Variants in CAPRIN1 observed in about 807,000 individuals in gnomAD.
The protein encoded by CAPRIN1 is cell cycle associated protein 1, also known as caprin-1.
In CAPRIN1, 29 loss-of-function variants were observed where a neutral mutation model predicts 100.9. The observed-to-expected ratio is 0.29, with a 90% CI of 0.21 to 0.39. The LOEUF is 0.39. Ranked by LOEUF, CAPRIN1 falls within the 10% of genes least tolerant of loss-of-function variation. The pLI is 1.00. For synonymous variants in CAPRIN1, 338 were observed against 307.5 expected (o/e 1.10, Z -1.04); for missense variants, 795 against 876.7 (o/e 0.91, Z 1.18).
chr11:34,078,441 C>G (rs889984005), intron 6 of CAPRIN1, among the ~76,000 whole-genome samples: 3 of 152,078 alleles, frequency 2.0e-5, no homozygotes, highest in African/African-American at 7.2e-5. Context: ...TAAAAAATAC[C>G]CTGGTACACC....
intron 2 of CAPRIN1, chr11:34,052,950 C>T (rs1004384041): frequency 2.5e-6 from 3 of 1,202,152 alleles, no homozygotes; most frequent in African/African-American, 3.2e-5. Context: ...GGCCTGTCGT[C>T]AGGACTTCAC....
Position 34,086,136 on chromosome 11 carries a change from G to T in CAPRIN1, c.1039G>T (p.Val347Leu). 6.2e-7 allele frequency: 1 copy of T among 1,614,142 alleles called. No individual in the cohort carries two copies. The highest frequency in any genetic ancestry group is 8.5e-7 in the Non-Finnish European group (1 of 1,180,000). The change falls in exon 10 of 19, where the codon GTG (valine) becomes TTG (leucine). Residue 347 changes from valine to leucine, a missense_variant. This residue lies in a region of CAPRIN1 where 648 missense variants were observed against 697.9 expected (regional missense o/e 0.93). Coordinates refer to ENST00000341394, the MANE Select transcript of CAPRIN1 (RefSeq NM_005898.5). ...ACCAGAGCCCCACTCTTTGACTCCA[G>T]TGGCTCAGGCAGATCCCCTTGTGAG... ...SVPEPHSLTP[V>L]AQADPLVRRQ...
chr11:34,067,948 T>C (rs1850731426), intron 2 of CAPRIN1, among the ~76,000 whole-genome samples: 2 of 152,226 alleles, frequency 1.3e-5, no homozygotes, highest in South Asian at 2.1e-4. Flanking sequence ...GTTCCAGTTA[T>C]TGCCGTGTAA....
At chr11:34,097,070 A>G (rs542427608) in intron 16 of CAPRIN1, 126 bp from the exon 17 acceptor site, 1 of 680,784 alleles carries the variant, frequency 1.5e-6, no homozygotes, top group South Asian at 1.9e-5. Flanking sequence ...AAGATAGGAA[A>G]TTGGAGATTA....
chr11:34,069,883 A>G (rs2134101380), intron 2 of CAPRIN1, among the ~76,000 whole-genome samples: 1 of 147,208 alleles, frequency 6.8e-6, no homozygotes, highest in African/African-American at 2.5e-5. Flanking sequence ...TGTTTATGGT[A>G]CAAAGAAAAT....
chr11:34,065,004 G>T (rs539946803), intron 2 of CAPRIN1, among the ~76,000 whole-genome samples: 13 of 144,606 alleles, frequency 9.0e-5, no homozygotes, highest in Non-Finnish European at 1.6e-4. Flanking sequence ...CTGTTGCCCA[G>T]GCTGGAGTGC....
At position 34,092,005 on chromosome 11, in the gene CAPRIN1, C is replaced by G. The variant is rs1851273791; in HGVS notation, c.1654C>G (p.Gln552Glu). The part of the protein sequence containing the change: ...QASYNQSFSS[Q>E]PHQVEQTELQ... ...CAGTTATAACCAGAGCTTTTCTAGT[C>G]AGCCTCACCAAGTAGAACAAACAGA... The change falls in exon 15 of 19, where the codon CAG becomes GAG. Residue 552 changes from glutamine to glutamate, a missense_variant. Around this residue, in one of 3 missense-constraint regions of CAPRIN1, gnomAD observed 648 missense variants for 697.9 expected, o/e 0.93. Coordinates refer to ENST00000341394, the MANE Select transcript of CAPRIN1 (RefSeq NM_005898.5). The G allele has an allele frequency of 6.2e-7, 1 of 1,614,004 alleles. No individual in the cohort carries two copies. The highest frequency in any genetic ancestry group is 1.3e-5 in the African/African-American group (1 of 74,932).
At chr11:34,065,948 C>G (rs1850682077) in intron 2 of CAPRIN1, among the ~76,000 whole-genome samples, 1 of 152,222 alleles carries the variant, frequency 6.6e-6, no homozygotes, top group East Asian at 1.9e-4. Flanking sequence ...ATGAAACTTT[C>G]TTTTTTTATT....
intron 2 of CAPRIN1, 152 bp from the exon 3 acceptor site, chr11:34,071,574 A>C: frequency 1.7e-6 from 1 of 587,616 alleles, no homozygotes; most frequent in Admixed American, 3.2e-5. Flanking sequence ...AAAAAAAAAA[A>C]ATTTATGTAC....
intron 15 of CAPRIN1, 58 bp downstream of exon 15, chr11:34,092,114 T>G: frequency 6.4e-7 from 1 of 1,554,696 alleles, no homozygotes; most frequent in Non-Finnish European, 8.7e-7. Context: ...TTATTGACAG[T>G]GTTAGGACAG....
intron 2 of CAPRIN1, chr11:34,063,378 T>G (rs1850622053): frequency 6.6e-6 from 1 of 152,252 alleles, no homozygotes; most frequent in Non-Finnish European, 1.5e-5. Context: ...GTTATTTAAC[T>G]GTGTCTTTCA....
Position 34,086,103 on chromosome 11 carries a change from C to G in CAPRIN1, c.1006C>G (p.Pro336Ala). The stretch of plus-strand genomic sequence containing the variant: ...CCAGCAGCAACCTCAGGCTGCATCC[C>G]CTTCAGTACCAGAGCCCCACTCTTT... ...SLQQQPQAAS[P>A]SVPEPHSLTP... The change falls in exon 10 of 19, where the codon CCT (proline) becomes GCT (alanine). Residue 336 changes from proline (P) to alanine (A), a missense_variant. This residue lies in a region of CAPRIN1 where 648 missense variants were observed against 697.9 expected (regional missense o/e 0.93). Coordinates refer to ENST00000341394, the MANE Select transcript of CAPRIN1 (RefSeq NM_005898.5). The G allele has an allele frequency of 6.2e-7, 1 of 1,614,110 alleles. No homozygotes were observed. The highest frequency in any genetic ancestry group is 2.2e-5 in the East Asian group (1 of 44,878).
At chr11:34,090,928 TTTGA>T (rs1851252024) in intron 14 of CAPRIN1, among the ~76,000 whole-genome samples, 1 of 152,194 alleles carries the variant, frequency 6.6e-6, no homozygotes, top group Non-Finnish European at 1.5e-5. Context: ...ACCCTTTTGA[TTTGA>T]TTAACAAAAG....
chr11:34,056,541 C>T (rs1359181992), intron 2 of CAPRIN1: 1 of 152,000 alleles, frequency 6.6e-6, no homozygotes, highest in African/African-American at 2.4e-5. Context: ...CTGTGATAAT[C>T]AAGTGTAAAA....
chr11:34,079,604 T>G (rs375006023), intron 6 of CAPRIN1, 24 bp from the exon 7 acceptor site: 3 of 1,605,600 alleles, frequency 1.9e-6, no homozygotes, highest in Non-Finnish European at 2.6e-6. Flanking sequence ...AGTCTTACAT[T>G]ATAATTCATG....
chr11:34,064,910 GT>G (rs1850655127), intron 2 of CAPRIN1, among the ~76,000 whole-genome samples: 1 of 145,308 alleles, frequency 6.9e-6, no homozygotes, highest in South Asian at 2.2e-4. Context: ...CAACTTTAAA[GT>G]TTATTAAACA....
At chr11:34,088,836 C>T (rs1432588825) in intron 11 of CAPRIN1, among the ~76,000 whole-genome samples, 2 of 152,080 alleles carry the variant, frequency 1.3e-5, no homozygotes, top group East Asian at 3.8e-4. Context: ...CAAGATGAAA[C>T]CAATTGTGAA....
rs1851235128 is a variant in CAPRIN1 at position 34,090,179 on chromosome 11, G to T, written c.1294G>T (p.Val432Phe). Residue 432 changes from valine (V) to phenylalanine (F), a missense_variant and splice_region_variant, in exon 13 of 19, where the codon GTT becomes TTT. Coordinates refer to ENST00000341394, the MANE Select transcript of CAPRIN1 (RefSeq NM_005898.5). Reference sequence around the variant, plus strand: ...CTTTTATTTCTTTACTTATGTCTAGGTTCCTTTGGTATCATCCACAAGTGA... The same window carrying T: ...CTTTTATTTCTTTACTTATGTCTAGTTTCCTTTGGTATCATCCACAAGTGA... The part of the protein sequence containing the change: ...QVPVQPEATQ[V>F]PLVSSTSEGY... 6.3e-7 allele frequency: 1 copy of T among 1,595,240 alleles called. No homozygotes were observed.
chr11:34,086,503 T>G, intron 11 of CAPRIN1, 90 bp downstream of exon 11: 1 of 719,180 alleles, frequency 1.4e-6, no homozygotes, highest in Non-Finnish European at 2.3e-6. Flanking sequence ...TTTTGTTTAT[T>G]TTAATGACTG....
Sources: allele counts gnomAD v4.1 joint callset (sites outside exome capture counted in the v4.1 genomes callset), GRCh38; gene constraint gnomAD v4.1.1; regional missense constraint gnomAD v4.1.1; transcripts MANE v1.5; gene names NCBI Gene and HGNC (gene_info 2026-07-23, HGNC 2026-07-21).